USP26: variants seen among roughly 807,000 people sequenced by gnomAD.
USP26 encodes the protein ubiquitin carboxyl-terminal hydrolase 26.
For synonymous variants in USP26, 236 were observed against 240.6 expected (o/e 0.98, Z 0.18); for missense variants, 649 against 642.3 (o/e 1.01, Z -0.11).
intron 5 of USP26, among the ~76,000 whole-genome samples, chrX:133,078,675 C>A (rs780849645): frequency 8.9e-6 from 1 of 112,369 alleles, no homozygotes; most frequent in Non-Finnish European, 1.9e-5. Context: ...CACAACCATT[C>A]ATAAAGTACA....
In USP26 at chrX:133,026,128, C is replaced by T. The variant is rs755327016; in HGVS notation, c.2093G>A (p.Arg698Gln). 6 of 1,208,457 alleles carry T rather than the reference C, an allele frequency of 5.0e-6. No individual in the cohort carries two copies. The highest frequency in any genetic ancestry group is 3.5e-5 in the African/African-American group (2 of 56,854). ...CTTACTGGTTTTCACATATTTCTTT[C>T]GTTTTGGATTTTCGGGCACTGTTTG... ...DFQTVPENPK[R>Q]KKYVKTSKFV... Residue 698 changes from arginine (R) to glutamine (Q), a missense_variant, in exon 6 of 6, where the codon CGA becomes CAA. By Grantham distance (43) the Arg-to-Gln change is conservative. Coordinates refer to ENST00000511190, the MANE Select transcript of USP26 (RefSeq NM_031907.3).
chrX:133,035,327 G>C (rs186132776), intron 5 of USP26, among the ~76,000 whole-genome samples: 1 of 112,140 alleles, frequency 8.9e-6, no homozygotes, highest in Non-Finnish European at 1.9e-5. Flanking sequence ...CAAGAAAGAG[G>C]CTCTTTTGGA....
At position 133,025,351 on chromosome X, in the gene USP26, G is replaced by C; in HGVS notation, c.*128C>G. The C allele has an allele frequency of 1.9e-6, 2 of 1,059,162 alleles. No homozygotes were observed. The highest frequency in any genetic ancestry group is 3.7e-5 in the African/African-American group (2 of 53,916). The allele number at this position is 1,059,162 out of a possible 1,213,427, so 87.3% of individuals were successfully genotyped here. On this transcript the variant is annotated 3_prime_UTR_variant, in exon 6 of 6. Transcript: ENST00000511190. ...GCAGATCTCCCCATTAAGTGTTTCT[G>C]TTTGACCTTTGGTCCTAGACTAATT... is the stretch of plus-strand genomic sequence containing the variant.
chrX:133,071,800 G>A (rs2067531573), intron 5 of USP26, among the ~76,000 whole-genome samples: 1 of 111,118 alleles, frequency 9.0e-6, no homozygotes, highest in Non-Finnish European at 1.9e-5. Context: ...TGGATGCTTG[G>A]ACTGTGCATT....
At chrX:133,063,535 C>CA (rs989088628) in intron 5 of USP26, among the ~76,000 whole-genome samples, 1 of 111,600 alleles carries the variant, frequency 9.0e-6, no homozygotes, top group African/African-American at 3.3e-5. Flanking sequence ...GATCTCTCTG[C>CA]AAAAAACCTA....
chrX:133,077,391 C>T (rs2067553162), intron 5 of USP26, among the ~76,000 whole-genome samples: 1 of 111,796 alleles, frequency 8.9e-6, no homozygotes, highest in African/African-American at 3.3e-5. Context: ...AACCCATTCT[C>T]CAGTATACAG....
chrX:133,041,033 G>T (rs2067417189), intron 5 of USP26, among the ~76,000 whole-genome samples: 1 of 109,896 alleles, frequency 9.1e-6, no homozygotes, highest in African/African-American at 3.3e-5. Context: ...GTGTTTTTCA[G>T]CTCCATTGGG....
intron 5 of USP26, among the ~76,000 whole-genome samples, chrX:133,061,286 G>A (rs950426800): frequency 3.6e-5 from 4 of 112,420 alleles, no homozygotes; most frequent in African/African-American, 1.3e-4. Flanking sequence ...ATCCAGATAT[G>A]CAAAAGCATG....
intron 5 of USP26, among the ~76,000 whole-genome samples, chrX:133,037,664 T>C (rs2067400573): frequency 8.9e-6 from 1 of 112,397 alleles, no homozygotes; most frequent in Admixed American, 9.4e-5. Context: ...ATGGGCTCTT[T>C]TTTGGTTCCA....
chrX:133,052,460 GA>G (rs201919616), intron 5 of USP26, among the ~76,000 whole-genome samples: 2 of 111,615 alleles, frequency 1.8e-5, no homozygotes, highest in African/African-American at 6.5e-5. Flanking sequence ...CGAAAAGGTG[GA>G]AAAAAAAGTA....
chrX:133,028,210 A>C lies in USP26; in HGVS notation c.11T>G (p.Leu4Arg). 1 of 1,209,466 alleles carries C rather than the reference A, an allele frequency of 8.3e-7. No individual in the cohort carries two copies. The highest frequency in any genetic ancestry group is 1.1e-6 in the Non-Finnish European group (1 of 893,353). MAA[L>R]FLRGFVQIGN... is the part of the protein sequence containing the mutation. ...TATTTGGACAAAACCACGTAGGAAT[A>C]GGGCAGCCATGTTTTCTTTACAAAT... Residue 4 changes from leucine to arginine, a missense_variant, in exon 6 of 6, where the codon CTA becomes CGA. Coordinates refer to ENST00000511190, the MANE Select transcript of USP26 (RefSeq NM_031907.3).
chrX:133,080,627 C>T (rs183167538), intron 5 of USP26, among the ~76,000 whole-genome samples: 108 of 111,357 alleles, frequency 9.7e-4, no homozygotes, highest in Non-Finnish European at 1.3e-3. Flanking sequence ...ACAAAAAAGG[C>T]AGGGCCAGCA....
At chrX:133,046,243 T>C (rs891624623) in intron 5 of USP26, among the ~76,000 whole-genome samples, 8 of 112,039 alleles carry the variant, frequency 7.1e-5, no homozygotes, top group African/African-American at 2.6e-4. Flanking sequence ...AATTCTTCAA[T>C]GCATCTTCAG....
At chrX:133,033,222 G>A (rs2067384218) in intron 5 of USP26, among the ~76,000 whole-genome samples, 1 of 111,924 alleles carries the variant, frequency 8.9e-6, no homozygotes, top group Admixed American at 9.5e-5. Context: ...TTTGGTCCCA[G>A]CTTCAGTGTG....
intron 5 of USP26, among the ~76,000 whole-genome samples, chrX:133,065,273 A>T (rs1341275118): frequency 9.0e-6 from 1 of 111,619 alleles, no homozygotes. Flanking sequence ...GACCAGACAG[A>T]TTCACAGCCG....
chrX:133,069,368 A>T (rs1434186493), intron 5 of USP26, among the ~76,000 whole-genome samples: 5 of 111,562 alleles, frequency 4.5e-5, no homozygotes, highest in African/African-American at 1.6e-4. Context: ...TTCTTTGTCT[A>T]CTAACATCAT....
chrX:133,044,235 T>C (rs2067429547), intron 5 of USP26, among the ~76,000 whole-genome samples: 1 of 113,365 alleles, frequency 8.8e-6, no homozygotes, highest in South Asian at 3.6e-4. Context: ...CAGCCCTCGC[T>C]CACTCTTGGC....
chrX:133,065,998 C>T (rs1034218096), intron 5 of USP26, among the ~76,000 whole-genome samples: 2 of 111,811 alleles, frequency 1.8e-5, no homozygotes. Flanking sequence ...CCCAAAATCT[C>T]CTTAAGCTAA....
intron 5 of USP26, among the ~76,000 whole-genome samples, chrX:133,030,504 CTCAGGGACACAA>C (rs1417401602): frequency 3.6e-5 from 4 of 112,043 alleles, no homozygotes; most frequent in African/African-American, 1.3e-4. Context: ...AGCCGGTGCT[CTCAGGGACACAA>C]TGGATGTGAG....
Sources: allele counts gnomAD v4.1 joint callset (sites outside exome capture counted in the v4.1 genomes callset), GRCh38; gene constraint gnomAD v4.1.1; transcripts MANE v1.5; gene names NCBI Gene and HGNC (gene_info 2026-07-23, HGNC 2026-07-21).